NEO1: variants seen among roughly 807,000 people sequenced by gnomAD.
NEO1 encodes the protein neogenin.
NEO1 carries 63 observed loss-of-function variants against 159.7 expected under a neutral mutation model. The ratio of observed to expected loss-of-function variants is 0.39; its 90% CI spans 0.32 to 0.49. NEO1 has a LOEUF of 0.49. Ranked by LOEUF, NEO1 falls within the 20% of genes least tolerant of loss-of-function variation. The probability of loss-of-function intolerance (pLI) is 0.85; values close to 1 mark genes in which losing one functional copy is unlikely to be tolerated. For synonymous variants in NEO1, 633 were observed against 662.0 expected, an observed-to-expected ratio of 0.96 and a Z score of 0.67; for missense variants, 1,615 against 1,831.0, an observed-to-expected ratio of 0.88 and a Z score of 2.15.
At chr15:73,126,699 A>G (rs1567256700) in intron 4 of NEO1, 129 bp downstream of exon 4, 4 of 731,044 alleles carry the variant, frequency 5.5e-6, no homozygotes, top group Non-Finnish European at 8.5e-6. Context: ...CTCATATGTC[A>G]TCCTTCAAAT....
rs139882931 is a variant in NEO1, at chr15:73,116,673, A to G, written c.264A>G (p.Lys88=). 607 of 1,614,014 alleles carry G rather than the reference A, an allele frequency of 3.8e-4. 3 individuals carry two copies. The African/African-American group carries it at 7.5e-3, about 20-fold the overall frequency. The change falls in exon 2 of 29, where the codon AAA becomes AAG. Residue 88 remains lysine, a synonymous_variant. Transcript: ENST00000261908. ...CTTCTCCAAAAATTGAATGGAAAAA[A>G]GATGGAACTTTTTTAAACTTAGTAT... ...SEPSPKIEWK[K]DGTFLNLVSD...
intron 16 of NEO1, among the ~76,000 whole-genome samples, chr15:73,267,491 A>C: frequency 6.7e-6 from 1 of 150,108 alleles, no homozygotes; most frequent in African/African-American, 2.4e-5. Flanking sequence ...TGCACCCATT[A>C]ACTCTTCATT....
upstream of NEO1, chr15:73,052,415 C>CCCCG (rs2067488263): frequency 2.4e-5 from 2 of 82,242 alleles, 1 homozygote; most frequent in Non-Finnish European, 6.6e-5. Flanking sequence ...ACCCACCGCC[C>CCCCG]CCCCCCCCCC....
At chr15:73,100,038 A>G (rs568262899) in intron 1 of NEO1, among the ~76,000 whole-genome samples, 3 of 152,038 alleles carry the variant, frequency 2.0e-5, no homozygotes, top group South Asian at 2.1e-4. Context: ...CAAATCTACC[A>G]TTGTTCTCGA....
At chr15:73,204,770 T>G (rs1214130841) in intron 7 of NEO1, among the ~76,000 whole-genome samples, 1 of 152,230 alleles carries the variant, frequency 6.6e-6, no homozygotes, top group African/African-American at 2.4e-5. Context: ...GGTTGTTTTG[T>G]TTCTTCAGAC....
intron 15 of NEO1, among the ~76,000 whole-genome samples, chr15:73,265,437 T>C (rs899997568): frequency 6.6e-6 from 1 of 152,128 alleles, no homozygotes; most frequent in African/African-American, 2.4e-5. Flanking sequence ...AGACTAGAGA[T>C]CTGTATTTGT....
intron 18 of NEO1, among the ~76,000 whole-genome samples, chr15:73,271,049 C>CT (rs1410763641): frequency 2.0e-5 from 3 of 152,208 alleles, no homozygotes; most frequent in African/African-American, 7.2e-5. Flanking sequence ...TTTCAAATCT[C>CT]TGTCTATTTT....
chr15:73,122,436 A>G lies in NEO1; in HGVS notation c.449-89A>G, dbSNP rs557148281. On this transcript the variant is annotated intron_variant, in intron 2 of 28. Transcript: ENST00000261908. ...CCTGGTTCTGCCATATGTTGTAGCCATGTGAGCTGACTTGCTCCTGGCTCC... is the reference window on the plus strand; with the variant it reads ...CCTGGTTCTGCCATATGTTGTAGCCGTGTGAGCTGACTTGCTCCTGGCTCC... 1,284 of 1,246,816 alleles carry G rather than the reference A, an allele frequency of 1.0e-3. 3 individuals are homozygous for G. Among genetic ancestry groups the G allele is most frequent in the Non-Finnish European group, 1.2e-3 (1,092 of 901,860 alleles). The allele number at this position is 1,246,816 out of a possible 1,614,324, so 77.2% of individuals were successfully genotyped here.
chr15:73,242,373 A>G (rs985975026), intron 8 of NEO1, among the ~76,000 whole-genome samples: 2 of 152,176 alleles, frequency 1.3e-5, no homozygotes, highest in East Asian at 1.9e-4. Context: ...ATGTTATTAA[A>G]AAAATCATAA....
chr15:73,190,019 G>T (rs895145113), intron 7 of NEO1, among the ~76,000 whole-genome samples: 1 of 151,904 alleles, frequency 6.6e-6, no homozygotes, highest in Non-Finnish European at 1.5e-5. Context: ...TTTATTTGCT[G>T]CCATTTCAGA....
intron 7 of NEO1, among the ~76,000 whole-genome samples, chr15:73,216,755 C>A (rs1438851352): frequency 6.6e-6 from 1 of 152,022 alleles, no homozygotes; most frequent in Non-Finnish European, 1.5e-5. Context: ...CTGTTCATGT[C>A]CTTCGCCCAC....
At position 73,171,786 on chromosome 15, in the gene NEO1, C is replaced by A. The variant is rs575149289; in HGVS notation, c.1016-4617C>A. On this transcript the variant is annotated intron_variant, in intron 5 of 28. Coordinates refer to ENST00000261908, the MANE Select transcript of NEO1 (RefSeq NM_002499.4). ...CCTCCCGAGTATCTGGGACTACAGG[C>A]ATGAGTCACCACGCCTGGCTAATTT... is the stretch of plus-strand genomic sequence containing the variant. Among the ~76,000 whole-genome samples the A allele has an allele frequency of 1.3e-4, 19 of 151,902 alleles. No homozygotes were observed. The South Asian group carries it at 3.5e-3, about 28-fold the overall frequency.
At chr15:73,268,934 A>G (rs1340637090) in intron 16 of NEO1, among the ~76,000 whole-genome samples, 9 of 152,218 alleles carry the variant, frequency 5.9e-5, no homozygotes, top group African/African-American at 2.2e-4. Flanking sequence ...TGTGATAACC[A>G]TGGCATTTCC....
chr15:73,259,926 G>A (rs892532848), intron 14 of NEO1, among the ~76,000 whole-genome samples: 4 of 152,162 alleles, frequency 2.6e-5, no homozygotes, highest in Non-Finnish European at 5.9e-5. Flanking sequence ...TAGAGTTTGG[G>A]AATGGATGTG....
In NEO1 at chr15:73,150,074, C is replaced by T. The variant is rs191095259; in HGVS notation, c.1015+14047C>T. On this transcript the variant is annotated intron_variant, in intron 5 of 28. Transcript: ENST00000261908. ...CCTGGAACCTGTGAAAGATCTAATT[C>T]AGTAATGATCACAGACCTAAATAGT... Among the ~76,000 whole-genome samples, 320 of 152,222 alleles carry T rather than the reference C, an allele frequency of 2.1e-3. 1 individual carries two copies. Among genetic ancestry groups the T allele is most frequent in the African/African-American group, 7.3e-3 (305 of 41,526 alleles).
chr15:73,106,470 A>C (rs1251441139), intron 1 of NEO1, among the ~76,000 whole-genome samples: 2 of 152,204 alleles, frequency 1.3e-5, no homozygotes, highest in African/African-American at 4.8e-5. Context: ...TTGTTGATGA[A>C]TATTCTACAT....
intron 1 of NEO1, among the ~76,000 whole-genome samples, chr15:73,066,126 TC>T (rs2068206340): frequency 1.3e-5 from 2 of 151,136 alleles, no homozygotes; most frequent in South Asian, 4.2e-4. Context: ...CATGCCATTC[TC>T]CTGTCTCAGC....
Position 73,133,893 on chromosome 15 carries a change from C to T in NEO1, c.879-1998C>T, listed in dbSNP as rs576924396. On this transcript the variant is annotated intron_variant, in intron 4 of 28. Transcript: ENST00000261908. ...AAGACTGACTGCTATGCTACTGGTA[C>T]TCACATATGCCAAATATCAGGCACA... 5.3e-5 allele frequency among the ~76,000 whole-genome samples: 8 copies of T among 152,286 alleles called. No individual in the cohort carries two copies. The East Asian group carries it at 7.7e-4, about 15-fold the overall frequency.
At chr15:73,236,623 A>G (rs2039186595) in intron 8 of NEO1, 117 bp downstream of exon 8, 2 of 835,862 alleles carry the variant, frequency 2.4e-6, no homozygotes, top group Admixed American at 2.1e-5. Flanking sequence ...AAGATCACTG[A>G]GATGCACCTT....
Sources: allele counts gnomAD v4.1 joint callset (sites outside exome capture counted in the v4.1 genomes callset), GRCh38; gene constraint gnomAD v4.1.1; transcripts MANE v1.5; gene names NCBI Gene and HGNC (gene_info 2026-07-23, HGNC 2026-07-21).